THBS1: variants seen among roughly 807,000 people sequenced by gnomAD.
The protein encoded by THBS1 is thrombospondin-1.
In THBS1, 29 loss-of-function variants were observed where a neutral mutation model predicts 126.1. The observed-to-expected ratio is 0.23, with a 90% CI of 0.17 to 0.31. The LOEUF (loss-of-function observed/expected upper bound fraction) is 0.31, where lower values mean the gene tolerates loss of function less well. THBS1 is among the 10% of genes least tolerant of loss of function. The pLI, the probability that THBS1 is intolerant of heterozygous loss-of-function variation, is 1.00. For missense variants in THBS1, 1,198 were observed against 1,545.2 expected, an observed-to-expected ratio of 0.78 and a Z score of 3.77; for synonymous variants, 496 against 577.8, an observed-to-expected ratio of 0.86 and a Z score of 2.03.
Position 39,589,512 on chromosome 15 carries a change from A to G in THBS1, c.1926+158A>G, listed in dbSNP as rs1044692177. 2.0e-5 allele frequency among the ~76,000 whole-genome samples: 3 copies of G among 152,224 alleles called. No homozygotes were observed. Among genetic ancestry groups the G allele is most frequent in the Non-Finnish European group, 4.4e-5 (3 of 68,026 alleles). On this transcript the variant is annotated intron_variant, in intron 12 of 21. Transcript: ENST00000260356. This position sits in a 1 kb window ranked among gnomAD's most constrained non-coding sequence, Gnocchi z 4.7. ...TTTTAGAAACGTGATTAGAAAATCC[A>G]TGGTAAATCCTGCAGGGGAAAAACA... is the stretch of plus-strand genomic sequence containing the variant.
Position 39,597,316 on chromosome 15 carries a change from A to G in THBS1, c.*1947A>G, listed in dbSNP as rs1463898495. ...TTTTTTTTTTTGCTTTTGACCTCCC[A>G]TTTTTACTATTTGCCAATACCTTTT... On this transcript the variant is annotated 3_prime_UTR_variant, in exon 22 of 22. Transcript: ENST00000260356. 2.5e-5 allele frequency: 1 copy of G among 40,254 alleles called. No homozygotes were observed. The highest frequency in any genetic ancestry group is 5.0e-5 in the Non-Finnish European group (1 of 20,074). The allele number at this position is 40,254 out of a possible 1,614,324, so 2.5% of individuals were successfully genotyped here.
In THBS1 at chr15:39,590,498, A is replaced by G. The variant is rs374764662; in HGVS notation, c.2146-18A>G. The stretch of plus-strand genomic sequence containing the variant: ...AGGAAGGCAACTGAAGCAGTGATAT[A>G]TATCTTCTCTTTCCTAGGATAATTG... On this transcript the variant is annotated intron_variant, in intron 13 of 21. Coordinates refer to ENST00000260356, the MANE Select transcript of THBS1 (RefSeq NM_003246.4). 1.3e-5 allele frequency: 21 copies of G among 1,598,770 alleles called. No individual in the cohort carries two copies. In the African/African-American group the frequency reaches 1.5e-4, roughly 11 times the overall value.
rs1890192097 is a variant in THBS1, at chr15:39,585,454, C to T, written c.1027-16C>T. 4 of 1,612,616 alleles carry T rather than the reference C, an allele frequency of 2.5e-6. No individual in the cohort carries two copies. The highest frequency in any genetic ancestry group is 2.5e-6 in the Non-Finnish European group (3 of 1,178,644). ...TGCTCAGCAGCCTGTTCCCCTCTCA[C>T]TCTCTTGCCCTGCAGAACTCAGTTA... On this transcript the variant is annotated splice_polypyrimidine_tract_variant and intron_variant, in intron 6 of 21. Transcript: ENST00000260356.
chr15:39,587,985 C>T (rs756961297), intron 8 of THBS1, 57 bp from the exon 9 acceptor site: 97 of 1,539,146 alleles, frequency 6.3e-5, no homozygotes, highest in Non-Finnish European at 7.8e-5. Context: ...TGATGGGAGC[C>T]TCTATTTGGC....
chr15:39,585,269 T>A (rs57178709), intron 6 of THBS1, among the ~76,000 whole-genome samples: 1,759 of 152,232 alleles, frequency 0.012, 38 homozygotes, highest in African/African-American at 0.04. Flanking sequence ...AGGAATGGAG[T>A]GACACGTAAA....
At chr15:39,583,902 C>CA in intron 4 of THBS1, 86 bp from the exon 5 acceptor site, 1 of 1,515,950 alleles carries the variant, frequency 6.6e-7, no homozygotes, top group South Asian at 1.2e-5. Context: ...TCCTTCACAC[C>CA]AAATGAAACG....
chr15:39,588,809 T>C (rs1890264804), intron 10 of THBS1, 110 bp downstream of exon 10: 1 of 1,559,956 alleles, frequency 6.4e-7, no homozygotes, highest in Admixed American at 1.7e-5. Flanking sequence ...GCGATTTGAT[T>C]GCTCTAAGAT....
chr15:39,593,190 C>T lies in THBS1; in HGVS notation c.2958C>T (p.Leu986=), dbSNP rs763409008. ...NWVVRHQGKE[L]VQTVNCDPGL... ...TTGTACGCCATCAGGGTAAAGAACT[C>T]GTCCAGACTGTCAACTGTGATCCTG... Residue 986 remains leucine, a synonymous_variant, in exon 18 of 22, where the codon CTC becomes CTT. Coordinates refer to ENST00000260356, the MANE Select transcript of THBS1 (RefSeq NM_003246.4). The surrounding 1 kb of genome is among the most constrained non-coding windows in gnomAD (Gnocchi z 5.9). The T allele has an allele frequency of 6.2e-6, 10 of 1,613,410 alleles. No individual in the cohort carries two copies. In the South Asian group the frequency reaches 6.6e-5, roughly 11 times the overall value.
chr15:39,588,620 C>T lies in THBS1; in HGVS notation c.1566C>T (p.Pro522=). ...AACGTAGTCGTCTCTGCAACAACCC[C>T]ACACCCCAGTTTGGAGGCAAGGACT... is the stretch of plus-strand genomic sequence containing the variant. The part of the protein sequence containing the change: ...VQKRSRLCNN[P]TPQFGGKDCV... The change falls in exon 10 of 22, where the codon CCC becomes CCT. Residue 522 remains proline, a synonymous_variant. Transcript: ENST00000260356. The T allele has an allele frequency of 6.2e-7, 1 of 1,611,896 alleles. No individual in the cohort carries two copies. The highest frequency in any genetic ancestry group is 1.1e-5 in the South Asian group (1 of 90,540).
rs1453678221 is a variant in THBS1 at position 39,582,630 on chromosome 15, A to C, written c.505A>C (p.Ile169Leu). The C allele has an allele frequency of 3.7e-6, 6 of 1,613,944 alleles. 1 individual carries two copies. The East Asian group carries it at 6.7e-5, about 18-fold the overall frequency. ...GCAGGAAGACAGGGCCCAGCTGTACATCGACTGTGAAAAGATGGAGAATGC... is the reference window on the plus strand; with the variant it reads ...GCAGGAAGACAGGGCCCAGCTGTACCTCGACTGTGAAAAGATGGAGAATGC... ...FVQEDRAQLY[I>L]DCEKMENAEL... Residue 169 changes from isoleucine (I) to leucine (L), a missense_variant, in exon 3 of 22, where the codon ATC becomes CTC. Ile to Leu is a conservative substitution (Grantham distance 5). Around this residue, in one of 4 missense-constraint regions of THBS1, gnomAD observed 271 missense variants for 277.0 expected, o/e 0.98. Coordinates refer to ENST00000260356, the MANE Select transcript of THBS1 (RefSeq NM_003246.4).
rs1595512297 is a variant in THBS1 at position 39,592,457 on chromosome 15, C to T, written c.2533-111C>T. ...GGAGTGTGTAAATAGACATGACACCCCACTGGCTGTATCAAACAATGGAGA... is the reference window on the plus strand; with the variant it reads ...GGAGTGTGTAAATAGACATGACACCTCACTGGCTGTATCAAACAATGGAGA... On this transcript the variant is annotated intron_variant, in intron 16 of 21. Coordinates refer to ENST00000260356, the MANE Select transcript of THBS1 (RefSeq NM_003246.4). The surrounding 1 kb of genome is among the most constrained non-coding windows in gnomAD (Gnocchi z 4.3). 3 of 800,292 alleles carry T rather than the reference C, an allele frequency of 3.7e-6. No individual in the cohort carries two copies. In the East Asian group the frequency reaches 8.1e-5, roughly 22 times the overall value. The allele number at this position is 800,292 out of a possible 1,614,324, so 49.6% of individuals were successfully genotyped here. A position where few individuals can be genotyped will look rare whatever the true frequency, so the allele number is the denominator to read the frequency against.
chr15:39,597,280 G>GTTTTTTTTTTTTTTTTTTTTTTTTTT lies in THBS1; in HGVS notation c.*1932_*1933insTTTTTTTTTTTTTTTTTTTTTTTTTT. ...GTTGGTTTTTTCTTTTTTTTGTTTT[G>GTTTTTTTTTTTTTTTTTTTTTTTTTT]TTTTTTTTTTTTTTTTTTTTTGCTT... On this transcript the variant is annotated 3_prime_UTR_variant, in exon 22 of 22. Transcript: ENST00000260356. 14 of 48,048 alleles carry GTTTTTTTTTTTTTTTTTTTTTTTTTT rather than the reference G, an allele frequency of 2.9e-4. 1 individual carries two copies. Among genetic ancestry groups the GTTTTTTTTTTTTTTTTTTTTTTTTTT allele is most frequent in the East Asian group, 6.9e-4 (1 of 1,450 alleles). The allele number at this position is 48,048 out of a possible 1,614,324, so 3.0% of individuals were successfully genotyped here.
In THBS1 at chr15:39,582,499, C is replaced by T. The variant is rs1484895013; in HGVS notation, c.374C>T (p.Ala125Val). Residue 125 changes from alanine (A) to valine (V), a missense_variant, in exon 3 of 22, where the codon GCG (alanine) becomes GTG (valine). Coordinates refer to ENST00000260356, the MANE Select transcript of THBS1 (RefSeq NM_003246.4). Reference sequence around the variant, plus strand: ...TTCAGCGTGGTGTCCAATGGCAAGGCGGGCACCCTGGACCTCAGCCTGACC... The same window carrying T: ...TTCAGCGTGGTGTCCAATGGCAAGGTGGGCACCCTGGACCTCAGCCTGACC... ...QVFSVVSNGK[A>V]GTLDLSLTVQ... 5 of 1,614,080 alleles carry T rather than the reference C, an allele frequency of 3.1e-6. No homozygotes were observed. Among genetic ancestry groups the T allele is most frequent in the Admixed American group, 1.7e-5 (1 of 60,020 alleles).
At chr15:39,583,519 A>C in intron 3 of THBS1, 98 bp from the exon 4 acceptor site, 1 of 961,444 alleles carries the variant, frequency 1.0e-6, no homozygotes. Flanking sequence ...CTTTTAGAAC[A>C]TCTATTGTAT....
At chr15:39,590,151 G>A in intron 13 of THBS1, 128 bp downstream of exon 13, 1 of 894,572 alleles carries the variant, frequency 1.1e-6, no homozygotes, top group South Asian at 2.0e-5. Flanking sequence ...AAAGGGAGAG[G>A]GGCACTAATT....
At position 39,582,199 on chromosome 15, in the gene THBS1, G is replaced by T; in HGVS notation, c.74G>T (p.Gly25Val). 1 of 1,600,274 alleles carries T rather than the reference G, an allele frequency of 6.2e-7. No individual in the cohort carries two copies. Among genetic ancestry groups the T allele is most frequent in the Non-Finnish European group, 8.5e-7 (1 of 1,173,156 alleles). Residue 25 changes from glycine (G) to valine (V), a missense_variant, in exon 3 of 22, where the codon GGC (glycine) becomes GTC (valine). Transcript: ENST00000260356. Reference protein sequence around the residue: ...VCGTNRIPESGGDNSVFDIFE... With the variant: ...VCGTNRIPESVGDNSVFDIFE... ...GTTCTCTCCTGTCTAACAGAGTCTGGCGGAGACAACAGCGTGTTTGACATC... is the reference window on the plus strand; with the variant it reads ...GTTCTCTCCTGTCTAACAGAGTCTGTCGGAGACAACAGCGTGTTTGACATC...
intron 6 of THBS1, 129 bp downstream of exon 6, chr15:39,584,551 TTTC>T: frequency 7.6e-7 from 1 of 1,319,270 alleles, no homozygotes; most frequent in African/African-American, 1.5e-5. Flanking sequence ...GTGTTTTTTT[TTTC>T]TTTAAGATGC....
chr15:39,587,353 A>G lies in THBS1; in HGVS notation c.1127A>G (p.Asp376Gly), dbSNP rs1890227503. The change falls in exon 8 of 22, where the codon GAC (aspartate) becomes GGC (glycine). Residue 376 changes from aspartate to glycine, a missense_variant. Asp to Gly is a moderately conservative substitution (Grantham distance 94). This residue lies in a region of THBS1 where 663 missense variants were observed against 860.1 expected (regional missense o/e 0.77). Transcript: ENST00000260356. ...GECCPRCWPS[D>G]SADDGWSPWS... Reference sequence around the variant, plus strand: ...ACCTCTGTTTCCCCTGCAGCCAGCGACTCTGCGGACGATGGCTGGTCTCCA... The same window carrying G: ...ACCTCTGTTTCCCCTGCAGCCAGCGGCTCTGCGGACGATGGCTGGTCTCCA... The G allele has an allele frequency of 2.5e-6, 4 of 1,611,984 alleles. No homozygotes were observed. The highest frequency in any genetic ancestry group is 3.4e-6 in the Non-Finnish European group (4 of 1,178,678).
chr15:39,597,275 G>GTTTTTTTT lies in THBS1; in HGVS notation c.*1910_*1911insTTTTTTTT, dbSNP rs879801079. On this transcript the variant is annotated 3_prime_UTR_variant, in exon 22 of 22. Coordinates refer to ENST00000260356, the MANE Select transcript of THBS1 (RefSeq NM_003246.4). ...GAATTGTTGGTTTTTTCTTTTTTTTGTTTTGTTTTTTTTTTTTTTTTTTTT... is the reference window on the plus strand; with the variant it reads ...GAATTGTTGGTTTTTTCTTTTTTTTGTTTTTTTTTTTTGTTTTTTTTTTTTTTTTTTTT... 9 of 52,590 alleles carry GTTTTTTTT rather than the reference G, an allele frequency of 1.7e-4. No individual in the cohort carries two copies. Among genetic ancestry groups the GTTTTTTTT allele is most frequent in the Non-Finnish European group, 2.4e-4 (6 of 24,776 alleles). The allele number at this position is 52,590 out of a possible 1,614,324, so 3.3% of individuals were successfully genotyped here.
Sources: allele counts gnomAD v4.1 joint callset (sites outside exome capture counted in the v4.1 genomes callset), GRCh38; gene constraint gnomAD v4.1.1; regional missense constraint gnomAD v4.1.1; non-coding constraint Gnocchi (gnomAD v3.1); transcripts MANE v1.5; gene names NCBI Gene and HGNC (gene_info 2026-07-23, HGNC 2026-07-21).